The following BLTP3B variants were observed in gnomAD, a reference collection of about 807,000 sequenced individuals.
BLTP3B encodes the protein UHRF1 (ICBP90) binding protein 1-like.
At chr12:100,096,222 C>A in the BLTP3B span, among the ~76,000 whole-genome samples, 1 of 151,682 alleles carries the variant, frequency 6.6e-6, no homozygotes, top group African/African-American at 2.4e-5. Flanking sequence ...CCATTGCACT[C>A]CAGCCTGGGT....
chr12:100,050,021 G>GA, the BLTP3B span: 34 of 799,472 alleles, frequency 4.3e-5, no homozygotes, highest in African/African-American at 3.6e-4. Context: ...ACACACTATA[G>GA]AAAAAACCAC....
At chr12:100,083,716 C>A in the BLTP3B span, among the ~76,000 whole-genome samples, 1 of 150,752 alleles carries the variant, frequency 6.6e-6, no homozygotes, top group South Asian at 2.1e-4. Context: ...AGTAGTATCA[C>A]ACTGTACCTC....
chr12:100,050,077 T>A, the BLTP3B span: 3 of 1,221,294 alleles, frequency 2.5e-6, no homozygotes, highest in Non-Finnish European at 3.2e-6. Flanking sequence ...AATTCAATTA[T>A]AGCCAAGATA....
chr12:100,128,211 A>G, the BLTP3B span, among the ~76,000 whole-genome samples: 1 of 152,232 alleles, frequency 6.6e-6, no homozygotes, highest in Non-Finnish European at 1.5e-5. Flanking sequence ...ATTACATTAG[A>G]CTAAGAAGCC....
chr12:100,142,501 G>C, the BLTP3B span: 1 of 1,423,886 alleles, frequency 7.0e-7, no homozygotes, highest in Non-Finnish European at 9.6e-7. Flanking sequence ...CCGCACAGCC[G>C]CCAGGCGCCG....
the BLTP3B span, chr12:100,089,003 A>ATTT: frequency 6.2e-7 from 1 of 1,612,200 alleles, no homozygotes; most frequent in Admixed American, 1.7e-5. Context: ...CATCAAAATC[A>ATTT]TTGAATAGTT....
chr12:100,117,314 G>C, the BLTP3B span, among the ~76,000 whole-genome samples: 1 of 152,118 alleles, frequency 6.6e-6, no homozygotes, highest in Non-Finnish European at 1.5e-5. Context: ...TCGGCAATAA[G>C]ACATGTTGAT....
chr12:100,043,279 G>C, the BLTP3B span, among the ~76,000 whole-genome samples: 3 of 152,172 alleles, frequency 2.0e-5, no homozygotes, highest in African/African-American at 7.2e-5. Flanking sequence ...GCCTGCATAA[G>C]GAAGAAGTTC....
the BLTP3B span, among the ~76,000 whole-genome samples, chr12:100,140,749 T>C: frequency 8.0e-6 from 1 of 125,670 alleles, no homozygotes. Flanking sequence ...TATATATATA[T>C]ATATAAAATA....
chr12:100,128,162 A>G, the BLTP3B span, among the ~76,000 whole-genome samples: 2 of 152,244 alleles, frequency 1.3e-5, no homozygotes, highest in Non-Finnish European at 2.9e-5. Flanking sequence ...GAATTATTCA[A>G]AACAGCCTCT....
chr12:100,134,059 G>C, the BLTP3B span, among the ~76,000 whole-genome samples: 4 of 152,032 alleles, frequency 2.6e-5, no homozygotes, highest in Non-Finnish European at 4.4e-5. Context: ...GCAGTTTCAG[G>C]CATCCACTGG....
chr12:100,041,075 A>G, the BLTP3B span, among the ~76,000 whole-genome samples: 1 of 152,358 alleles, frequency 6.6e-6, no homozygotes, highest in East Asian at 1.9e-4. Flanking sequence ...AATGTTAGTA[A>G]ACTGAACCCA....
chr12:100,098,560 A>G, the BLTP3B span: 3 of 1,590,920 alleles, frequency 1.9e-6, no homozygotes, highest in Non-Finnish European at 2.6e-6. Context: ...ACAAAGCAAA[A>G]CAAAATACAC....
the BLTP3B span, among the ~76,000 whole-genome samples, chr12:100,113,770 C>A: frequency 1.3e-5 from 2 of 148,614 alleles, no homozygotes; most frequent in African/African-American, 5.0e-5. Flanking sequence ...CTAGTCTGGG[C>A]AACATAGAGA....
the BLTP3B span, among the ~76,000 whole-genome samples, chr12:100,094,392 T>C: frequency 6.6e-6 from 1 of 152,170 alleles, no homozygotes; most frequent in Non-Finnish European, 1.5e-5. Context: ...ATTATAGACA[T>C]GAGCCCCTGT....
the BLTP3B span, chr12:100,057,674 GCTT>G: frequency 6.2e-7 from 1 of 1,612,414 alleles, no homozygotes. Flanking sequence ...TTTGTGAAGA[GCTT>G]CTTTTCATAT....
the BLTP3B span, among the ~76,000 whole-genome samples, chr12:100,041,755 A>C: frequency 1.3e-5 from 2 of 152,074 alleles, no homozygotes; most frequent in African/African-American, 4.8e-5. Flanking sequence ...ACTTCTATTC[A>C]ACATTGTTTT....
chr12:100,109,492 C>T, the BLTP3B span, among the ~76,000 whole-genome samples: 3 of 152,054 alleles, frequency 2.0e-5, no homozygotes, highest in Admixed American at 6.6e-5. Flanking sequence ...CAGCCAGGTG[C>T]GTGGCTCACA....
At chr12:100,040,739 CAA>C in the BLTP3B span, among the ~76,000 whole-genome samples, 1 of 151,988 alleles carries the variant, frequency 6.6e-6, no homozygotes, top group Non-Finnish European at 1.5e-5. Context: ...ATGAAACAGA[CAA>C]ATTCTTAAAA....
Sources: gnomAD v4.1 joint callset for allele counts (sites outside exome capture counted in the v4.1 genomes callset) on GRCh38, gnomAD v4.1.1 for gene constraint, MANE v1.5 for transcripts, NCBI Gene and HGNC (gene_info 2026-07-23, HGNC 2026-07-21) for gene names.